XYLT1: variants seen among roughly 807,000 people sequenced by gnomAD.
XYLT1 encodes the protein xylosyltransferase 1, also known as beta-D-xylosyltransferase 1.
XYLT1 carries 36 observed loss-of-function variants against 91.3 expected under a neutral mutation model. The observed-to-expected ratio is 0.39, with a 90% CI of 0.30 to 0.52. XYLT1 has a LOEUF of 0.52. Ranked by LOEUF, XYLT1 falls within the 20% of genes least tolerant of loss-of-function variation. The probability of loss-of-function intolerance (pLI) is 0.68; values close to 1 mark genes in which losing one functional copy is unlikely to be tolerated. For synonymous variants in XYLT1, 588 were observed against 532.0 expected, an observed-to-expected ratio of 1.11 and a Z score of -1.45; for missense variants, 1,242 against 1,284.5, an observed-to-expected ratio of 0.97 and a Z score of 0.51.
At chr16:17,257,391 C>T (rs2033650031) in intron 3 of XYLT1, among the ~76,000 whole-genome samples, 1 of 152,180 alleles carries the variant, frequency 6.6e-6, no homozygotes, top group Non-Finnish European at 1.5e-5. Flanking sequence ...CTGTTTGTTG[C>T]TAGTGGCACC....
chr16:17,124,358 GTAT>G (rs1212237206), intron 10 of XYLT1, among the ~76,000 whole-genome samples: 1 of 152,160 alleles, frequency 6.6e-6, no homozygotes, highest in Non-Finnish European at 1.5e-5. Flanking sequence ...TGAAAAAACT[GTAT>G]CTTTCATTTA....
At chr16:17,130,886 C>CA (rs761564598) in intron 9 of XYLT1, among the ~76,000 whole-genome samples, 43 of 152,020 alleles carry the variant, frequency 2.8e-4, no homozygotes, top group African/African-American at 9.9e-4. Flanking sequence ...TCTCTAGCCC[C>CA]CTTTTGTTTC....
intron 6 of XYLT1, among the ~76,000 whole-genome samples, 153 bp from the exon 7 acceptor site, chr16:17,141,522 T>C (rs974099402): frequency 2.0e-5 from 3 of 152,168 alleles, no homozygotes; most frequent in African/African-American, 7.2e-5. Flanking sequence ...GCGTGGAGTT[T>C]ATCACTTGAT....
At chr16:17,454,775 A>G (rs960252807) in intron 1 of XYLT1, among the ~76,000 whole-genome samples, 19 of 151,968 alleles carry the variant, frequency 1.3e-4, no homozygotes, top group Non-Finnish European at 1.5e-5. Context: ...TCTGGCCCCA[A>G]GTGACCCACC....
chr16:17,229,321 T>G (rs1333995745), intron 3 of XYLT1, among the ~76,000 whole-genome samples: 1 of 152,190 alleles, frequency 6.6e-6, no homozygotes, highest in East Asian at 1.9e-4. Context: ...GCCTCCATCC[T>G]CCTTGTGCAT....
In XYLT1 at chr16:17,137,824, C is replaced by T. The variant is rs577240798; in HGVS notation, c.1764+531G>A. On this transcript the variant is annotated intron_variant, in intron 8 of 11. Coordinates refer to ENST00000261381, the MANE Select transcript of XYLT1 (RefSeq NM_022166.4). ...GTGCAATTCATTAAAAATACAAATTCGTCGATATCACTGATGAGGGTTTCT... is the reference window on the plus strand; with the variant it reads ...GTGCAATTCATTAAAAATACAAATTTGTCGATATCACTGATGAGGGTTTCT... Among the ~76,000 whole-genome samples, 5 of 152,276 alleles carry T rather than the reference C, an allele frequency of 3.3e-5. No individual in the cohort carries two copies. In the South Asian group the frequency reaches 6.2e-4, roughly 19 times the overall value.
chr16:17,466,946 T>C (rs2035999472), intron 1 of XYLT1, among the ~76,000 whole-genome samples: 1 of 151,632 alleles, frequency 6.6e-6, no homozygotes. Flanking sequence ...TCAGAACATC[T>C]GGATAGGAAG....
Position 17,104,969 on chromosome 16 carries a change from G to C in XYLT1, c.*3726C>G, listed in dbSNP as rs1966754630. 1 of 152,224 alleles carries C rather than the reference G, an allele frequency of 6.6e-6. No homozygotes were observed. The highest frequency in any genetic ancestry group is 1.5e-5 in the Non-Finnish European group (1 of 68,102). The allele number at this position is 152,224 out of a possible 1,614,324, so 9.4% of individuals were successfully genotyped here. A position where few individuals can be genotyped will look rare whatever the true frequency, so the allele number is the denominator to read the frequency against. ...GTGTGGCTTTGATCCTGCAGGTCTAGCTTGCTGTCTTTAAAGTGGAGTGTG... is the reference window on the plus strand; with the variant it reads ...GTGTGGCTTTGATCCTGCAGGTCTACCTTGCTGTCTTTAAAGTGGAGTGTG... On this transcript the variant is annotated 3_prime_UTR_variant, in exon 12 of 12. Coordinates refer to ENST00000261381, the MANE Select transcript of XYLT1 (RefSeq NM_022166.4).
At chr16:17,324,843 A>T (rs976076576) in intron 2 of XYLT1, among the ~76,000 whole-genome samples, 1 of 152,158 alleles carries the variant, frequency 6.6e-6, no homozygotes, top group Non-Finnish European at 1.5e-5. Flanking sequence ...CGGAATAATG[A>T]TTTCACCGAT....
intron 5 of XYLT1, among the ~76,000 whole-genome samples, chr16:17,172,085 C>CA (rs1288326595): frequency 3.3e-5 from 5 of 152,172 alleles, no homozygotes; most frequent in African/African-American, 1.2e-4. Context: ...GGAATGATAT[C>CA]AGGTTAACCT....
intron 6 of XYLT1, among the ~76,000 whole-genome samples, chr16:17,151,735 A>T (rs2031287925): frequency 6.6e-6 from 1 of 152,194 alleles, no homozygotes; most frequent in African/African-American, 2.4e-5. Context: ...GGCAGCTCAG[A>T]TGCCATCCCG....
chr16:17,295,654 C>A (rs901888313), intron 2 of XYLT1, among the ~76,000 whole-genome samples: 1 of 152,206 alleles, frequency 6.6e-6, no homozygotes, highest in South Asian at 2.1e-4. Flanking sequence ...CCACACCCGA[C>A]CCAAGAGCTA....
intron 2 of XYLT1, among the ~76,000 whole-genome samples, chr16:17,311,025 G>C (rs2034539145): frequency 6.6e-6 from 1 of 152,156 alleles, no homozygotes; most frequent in African/African-American, 2.4e-5. Context: ...CTCCTTTCCA[G>C]CTCACACGCA....
chr16:17,346,269 A>T (rs1406018954), intron 2 of XYLT1, among the ~76,000 whole-genome samples: 1 of 152,176 alleles, frequency 6.6e-6, no homozygotes, highest in Non-Finnish European at 1.5e-5. Context: ...GCTTGGGGTT[A>T]CCAGGTCCAG....
intron 1 of XYLT1, 147 bp from the exon 2 acceptor site, chr16:17,358,197 A>G: frequency 2.5e-6 from 2 of 784,962 alleles, no homozygotes; most frequent in South Asian, 1.9e-5. Context: ...TGGCATGATC[A>G]TAGCTCACTC....
chr16:17,185,749 C>G (rs957797957), intron 5 of XYLT1, among the ~76,000 whole-genome samples: 2 of 152,138 alleles, frequency 1.3e-5, no homozygotes, highest in Non-Finnish European at 2.9e-5. Context: ...ACCTGTAATC[C>G]TAGCACTTTG....
intron 6 of XYLT1, among the ~76,000 whole-genome samples, chr16:17,149,187 G>A (rs574729340): frequency 7.9e-5 from 12 of 152,286 alleles, no homozygotes; most frequent in Admixed American, 6.5e-4. Context: ...ATGTCAGAAA[G>A]GTGGATAACA....
chr16:17,466,446 CAT>C (rs2036898358), intron 1 of XYLT1, among the ~76,000 whole-genome samples: 1 of 152,168 alleles, frequency 6.6e-6, no homozygotes, highest in Admixed American at 6.5e-5. Flanking sequence ...TACACACACA[CAT>C]ACACAATGAC....
Position 17,268,681 on chromosome 16 carries a change from T to TG in XYLT1, c.403-9184_403-9183insC, listed in dbSNP as rs1368719840. On this transcript the variant is annotated intron_variant, in intron 2 of 11. Coordinates refer to ENST00000261381, the MANE Select transcript of XYLT1 (RefSeq NM_022166.4). ...AGTGATAAATACTTTTTTTTTTTTT[T>TG]TTTTTCTGAGACGGAGTTTCGCTCT... Among the ~76,000 whole-genome samples the TG allele has an allele frequency of 1.3e-3, 195 of 151,774 alleles. 1 individual carries two copies. The highest frequency in any genetic ancestry group is 4.5e-3 in the African/African-American group (188 of 41,378).
Sources: allele counts gnomAD v4.1 joint callset (sites outside exome capture counted in the v4.1 genomes callset), GRCh38; gene constraint gnomAD v4.1.1; transcripts MANE v1.5; gene names NCBI Gene and HGNC (gene_info 2026-07-23, HGNC 2026-07-21).